The following ATP6V1H variants were observed in gnomAD, a reference collection of about 807,000 sequenced individuals.
ATP6V1H encodes the protein V-type proton ATPase subunit H.
A neutral mutation model predicts 71.7 loss-of-function variants in ATP6V1H; 39 were observed. That is an observed-to-expected ratio of 0.54 (90% CI 0.42 to 0.71). The LOEUF (loss-of-function observed/expected upper bound fraction) is 0.71, where lower values mean the gene tolerates loss of function less well. ATP6V1H is among the 30% of genes least tolerant of loss of function. The probability of loss-of-function intolerance (pLI) is 0.00; values close to 1 mark genes in which losing one functional copy is unlikely to be tolerated. For missense variants in ATP6V1H, 509 were observed against 594.9 expected, an observed-to-expected ratio of 0.86 and a Z score of 1.50; for synonymous variants, 192 against 199.3, an observed-to-expected ratio of 0.96 and a Z score of 0.31.
intron 12 of ATP6V1H, among the ~76,000 whole-genome samples, chr8:53,755,918 C>T (rs1259052966): frequency 3.0e-5 from 4 of 135,060 alleles, no homozygotes; most frequent in African/African-American, 1.1e-4. Flanking sequence ...CCACTACGCC[C>T]GGCTAATTTT....
At chr8:53,808,276 A>G (rs938397870) in intron 7 of ATP6V1H, among the ~76,000 whole-genome samples, 1 of 152,256 alleles carries the variant, frequency 6.6e-6, no homozygotes, top group Non-Finnish European at 1.5e-5. Flanking sequence ...GTATTCTTTC[A>G]TCAGGGCATC....
At chr8:53,837,491 ATGGAAAAAAAAAAAAAACCAGTCCGGG>A (rs1361845369) in intron 2 of ATP6V1H, among the ~76,000 whole-genome samples, 1 of 139,300 alleles carries the variant, frequency 7.2e-6, no homozygotes, top group Admixed American at 7.0e-5. Context: ...TGTAAATGCT[ATGGAAAAAAAAAAAAAACCAGTCCGGG>A]TAGGGGGCTT....
chr8:53,755,756 T>C (rs1479682048), intron 12 of ATP6V1H, among the ~76,000 whole-genome samples: 12 of 39,852 alleles, frequency 3.0e-4, no homozygotes, highest in African/African-American at 1.3e-3. Flanking sequence ...TTTTTTTTTT[T>C]TTTTTTTTTT....
rs1444402959 is a variant in ATP6V1H, at chr8:53,820,879, G to A, written c.307-3349C>T. On this transcript the variant is annotated intron_variant, in intron 4 of 13. Coordinates refer to ENST00000359530, the MANE Select transcript of ATP6V1H (RefSeq NM_015941.4). ...CGCTTGTAATCCCACTACTCAGGAG[G>A]CTGAGGCAGGAGGATTGCTTGAGCC... Among the ~76,000 whole-genome samples, 4 of 151,696 alleles carry A rather than the reference G, an allele frequency of 2.6e-5. No homozygotes were observed. In the South Asian group the frequency reaches 6.2e-4, roughly 24 times the overall value.
intron 12 of ATP6V1H, among the ~76,000 whole-genome samples, chr8:53,743,940 A>T (rs973610804): frequency 6.6e-6 from 1 of 152,178 alleles, no homozygotes; most frequent in African/African-American, 2.4e-5. Context: ...GAAACATATG[A>T]TCTGCCTAGA....
At position 53,833,012 on chromosome 8, in the gene ATP6V1H, T is replaced by C. The variant is rs1361415052; in HGVS notation, c.188A>G (p.Gln63Arg). Residue 63 changes from glutamine (Q) to arginine (R), a missense_variant, in exon 3 of 14, where the codon CAA becomes CGA. Around this residue, in one of 2 missense-constraint regions of ATP6V1H, gnomAD observed 297 missense variants for 303.3 expected, o/e 0.98. Transcript: ENST00000359530. ...GCTGCCTTCAGTTTGAAGCATCTCT[T>C]GCTTCTCTTCAGGGCTTCGTTTCAT... is the stretch of plus-strand genomic sequence containing the variant. ...FEMKRSPEEK[Q>R]EMLQTEGSQC... is the part of the protein sequence containing the mutation. The C allele has an allele frequency of 1.2e-6, 2 of 1,613,634 alleles. No homozygotes were observed. Among genetic ancestry groups the C allele is most frequent in the African/African-American group, 1.3e-5 (1 of 74,904 alleles).
intron 9 of ATP6V1H, among the ~76,000 whole-genome samples, chr8:53,785,325 C>T (rs1176115582): frequency 6.6e-6 from 1 of 152,188 alleles, no homozygotes; most frequent in African/African-American, 2.4e-5. Flanking sequence ...TCCAGTTGAT[C>T]ACATTGACTA....
In ATP6V1H at chr8:53,756,418, T is replaced by C. The variant is rs1808065652; in HGVS notation, c.1277+137A>G. The C allele has an allele frequency of 7.8e-6, 5 of 637,544 alleles. No individual in the cohort carries two copies. The Admixed American group carries it at 1.5e-4, about 19-fold the overall frequency. 39.5% of individuals were successfully genotyped at this position (637,544 alleles called of 1,614,324 possible). A position where few individuals can be genotyped will look rare whatever the true frequency, so the allele number is the denominator to read the frequency against. On this transcript the variant is annotated intron_variant, in intron 12 of 13. Transcript: ENST00000359530. ...TTTTTAACTGGGTTTATCATAATTCTCACTATTGTGGCAATCTTGATTTCA... is the reference window on the plus strand; with the variant it reads ...TTTTTAACTGGGTTTATCATAATTCCCACTATTGTGGCAATCTTGATTTCA...
intron 9 of ATP6V1H, among the ~76,000 whole-genome samples, chr8:53,793,051 C>T (rs913697318): frequency 2.0e-5 from 3 of 151,984 alleles, no homozygotes; most frequent in South Asian, 2.1e-4. Flanking sequence ...TATTAACTAC[C>T]GACACCTAGA....
rs563832738 is a variant in ATP6V1H, at chr8:53,841,325, T to A, written c.113+253A>T. ...CATTCCTCCTATGTTTCCCACTTAT[T>A]CCAAAAGTACTTCCCCAGGCAGCCA... On this transcript the variant is annotated intron_variant, in intron 2 of 13. Transcript: ENST00000359530. Among the ~76,000 whole-genome samples, 27 of 152,272 alleles carry A rather than the reference T, an allele frequency of 1.8e-4. No homozygotes were observed. The South Asian group carries it at 5.6e-3, about 32-fold the overall frequency.
intron 6 of ATP6V1H, among the ~76,000 whole-genome samples, chr8:53,811,732 T>G (rs1362578516): frequency 2.0e-5 from 3 of 152,118 alleles, no homozygotes; most frequent in Non-Finnish European, 4.4e-5. Flanking sequence ...TTAAAGAAAG[T>G]CAGAGGCTGA....
rs370139234 is a variant in ATP6V1H, at chr8:53,811,211, G to A, written c.532C>T (p.Arg178Cys). ...IKTQLSSQKL[R>C]GSGVAVETGT... Reference sequence around the variant, plus strand: ...GTTTCAACAGCAACACCGCTACCACGCAGTTTCTATTACGAAATAAATAAC... The same window carrying A: ...GTTTCAACAGCAACACCGCTACCACACAGTTTCTATTACGAAATAAATAAC... The change falls in exon 7 of 14, where the codon CGT becomes TGT. Residue 178 changes from arginine (R) to cysteine (C), a missense_variant. Physicochemically the swap from Arg to Cys is radical, Grantham distance 180. Transcript: ENST00000359530. The A allele has an allele frequency of 2.2e-5, 36 of 1,612,266 alleles. No individual in the cohort carries two copies. Among genetic ancestry groups the A allele is most frequent in the East Asian group, 1.3e-4 (6 of 44,800 alleles).
At chr8:53,785,105 T>G (rs867669111) in intron 9 of ATP6V1H, among the ~76,000 whole-genome samples, 2 of 152,222 alleles carry the variant, frequency 1.3e-5, no homozygotes, top group Non-Finnish European at 2.9e-5. Flanking sequence ...ATTGGGGAAG[T>G]TCTCCTGGAT....
At chr8:53,739,582 G>A (rs1451147591) in intron 13 of ATP6V1H, 1 of 152,168 alleles carries the variant, frequency 6.6e-6, no homozygotes, top group Non-Finnish European at 1.5e-5. Flanking sequence ...CTGAAGTCCT[G>A]AGCTGTCCAT....
intron 5 of ATP6V1H, 125 bp from the exon 6 acceptor site, chr8:53,814,891 AAT>A (rs1270863599): frequency 1.1e-5 from 6 of 528,434 alleles, no homozygotes; most frequent in African/African-American, 6.0e-5. Context: ...CTCTAAAAAT[AAT>A]AGTTTATATT....
chr8:53,835,603 T>C (rs1001989535), intron 2 of ATP6V1H, among the ~76,000 whole-genome samples: 4 of 152,268 alleles, frequency 2.6e-5, no homozygotes, highest in African/African-American at 9.6e-5. Flanking sequence ...TGTAATTCAC[T>C]ATTCTGTCTT....
intron 6 of ATP6V1H, among the ~76,000 whole-genome samples, chr8:53,812,481 C>T (rs1040635233): frequency 6.6e-6 from 1 of 152,168 alleles, no homozygotes; most frequent in African/African-American, 2.4e-5. Flanking sequence ...CAAGCATAGT[C>T]AATCATTCCA....
chr8:53,828,484 G>A (rs1810893058), intron 4 of ATP6V1H, among the ~76,000 whole-genome samples: 1 of 152,140 alleles, frequency 6.6e-6, no homozygotes, highest in Non-Finnish European at 1.5e-5. Context: ...CTCATTCTAG[G>A]TACAGTCCCA....
At chr8:53,777,071 T>C (rs1386014822) in intron 9 of ATP6V1H, among the ~76,000 whole-genome samples, 1 of 152,178 alleles carries the variant, frequency 6.6e-6, no homozygotes, top group Non-Finnish European at 1.5e-5. Flanking sequence ...GCTCAGTGAC[T>C]TGCAGTGCAA....
Sources: gnomAD v4.1 joint callset for allele counts (sites outside exome capture counted in the v4.1 genomes callset) on GRCh38, gnomAD v4.1.1 for gene constraint, gnomAD v4.1.1 regional missense constraint, MANE v1.5 for transcripts, NCBI Gene and HGNC (gene_info 2026-07-23, HGNC 2026-07-21) for gene names.